Variants in CC2D2A observed in about 807,000 individuals in gnomAD.
CC2D2A encodes coiled-coil and C2 domain-containing protein 2A.
A neutral mutation model predicts 212.9 loss-of-function variants in CC2D2A; 155 were observed. The ratio of observed to expected loss-of-function variants is 0.73; its 90% CI spans 0.64 to 0.83. The LOEUF (loss-of-function observed/expected upper bound fraction) is 0.83, where lower values mean the gene tolerates loss of function less well. CC2D2A is among the 40% of genes least tolerant of loss of function. The probability of loss-of-function intolerance (pLI) is 0.00; values close to 1 mark genes in which losing one functional copy is unlikely to be tolerated. For synonymous variants in CC2D2A, 667 were observed against 686.5 expected (o/e 0.97, Z 0.44); for missense variants, 1,856 against 1,956.2 (o/e 0.95, Z 0.97).
intron 11 of CC2D2A, among the ~76,000 whole-genome samples, 185 bp downstream of exon 11, chr4:15,516,941 C>G (rs1716908650): frequency 7.2e-6 from 1 of 138,010 alleles, no homozygotes; most frequent in South Asian, 2.3e-4. Flanking sequence ...CAATGCATCC[C>G]TTCTTTTTTT....
At chr4:15,580,710 T>G (rs1720626798) in intron 30 of CC2D2A, among the ~76,000 whole-genome samples, 2 of 151,382 alleles carry the variant, frequency 1.3e-5, no homozygotes, top group South Asian at 4.2e-4. Flanking sequence ...AATTAACATA[T>G]GGAAAATGCT....
At chr4:15,584,750 T>C (rs2109087379) in intron 30 of CC2D2A, among the ~76,000 whole-genome samples, 1 of 152,186 alleles carries the variant, frequency 6.6e-6, no homozygotes, top group South Asian at 2.1e-4. Context: ...AAGCTGTGTC[T>C]AACAAGGGGT....
chr4:15,533,548 G>C (rs1004686136), intron 14 of CC2D2A: 2 of 379,134 alleles, frequency 5.3e-6, no homozygotes, highest in African/African-American at 2.1e-5. Context: ...TGTGATCATT[G>C]TTTTCTTGCT....
chr4:15,494,077 C>G (rs964669231), intron 4 of CC2D2A, among the ~76,000 whole-genome samples: 1 of 152,178 alleles, frequency 6.6e-6, no homozygotes, highest in Non-Finnish European at 1.5e-5. Context: ...ATGGGGAAGA[C>G]TCAATCCTAA....
At chr4:15,561,062 G>A (rs1719572259) in intron 23 of CC2D2A, among the ~76,000 whole-genome samples, 1 of 152,220 alleles carries the variant, frequency 6.6e-6, no homozygotes, top group Non-Finnish European at 1.5e-5. Context: ...AAACCTGGTT[G>A]CAGCACCACA....
intron 7 of CC2D2A, 57 bp from the exon 8 acceptor site, chr4:15,511,190 C>T (rs1395129853): frequency 2.9e-5 from 43 of 1,502,820 alleles, no homozygotes; most frequent in Non-Finnish European, 3.7e-5. Context: ...GTTAATTGTG[C>T]AGAGCGCATT....
At chr4:15,517,822 G>C (rs527678666) in intron 11 of CC2D2A, among the ~76,000 whole-genome samples, 74 of 152,302 alleles carry the variant, frequency 4.9e-4, no homozygotes, top group African/African-American at 1.8e-3. Context: ...TGGCTGGGAA[G>C]ACCTCACAAT....
intron 35 of CC2D2A, among the ~76,000 whole-genome samples, chr4:15,598,391 C>T (rs757155270): frequency 2.0e-5 from 3 of 152,208 alleles, no homozygotes; most frequent in Non-Finnish European, 4.4e-5. Flanking sequence ...TTAGAATCAG[C>T]AGGGTTTCAA....
intron 11 of CC2D2A, among the ~76,000 whole-genome samples, chr4:15,522,410 AT>A (rs1310519456): frequency 4.6e-5 from 7 of 152,098 alleles, no homozygotes; most frequent in Non-Finnish European, 1.0e-4. Context: ...TAGAAATACT[AT>A]GCTATTGACT....
intron 13 of CC2D2A, among the ~76,000 whole-genome samples, chr4:15,532,046 G>T (rs1717875683): frequency 6.6e-6 from 1 of 152,126 alleles, no homozygotes; most frequent in Non-Finnish European, 1.5e-5. Flanking sequence ...CCATTTTACA[G>T]ATGTGAGCCA....
At chr4:15,479,123 C>T (rs979271082) in intron 3 of CC2D2A, 11 of 846,916 alleles carry the variant, frequency 1.3e-5, no homozygotes, top group Non-Finnish European at 2.1e-5. Context: ...TCATTGAAGG[C>T]CATGGACTAT....
At chr4:15,519,266 T>C (rs1717064052) in intron 11 of CC2D2A, 1 of 376,832 alleles carries the variant, frequency 2.7e-6, no homozygotes, top group African/African-American at 2.2e-5. Context: ...TGCTAAAATA[T>C]AACAAGTCAC....
chr4:15,563,072 A>T (rs1294759767), intron 23 of CC2D2A, among the ~76,000 whole-genome samples: 5 of 152,228 alleles, frequency 3.3e-5, no homozygotes. Flanking sequence ...GGCATGTTTG[A>T]GGAACTGGTG....
intron 1 of CC2D2A, among the ~76,000 whole-genome samples, chr4:15,470,457 A>G (rs186050176): frequency 1.2e-3 from 184 of 152,206 alleles, no homozygotes; most frequent in African/African-American, 4.0e-3. Flanking sequence ...AGGGCTACTA[A>G]CCACAGTGCT....
chr4:15,597,678 C>T (rs937983711), intron 35 of CC2D2A, among the ~76,000 whole-genome samples: 1 of 152,190 alleles, frequency 6.6e-6, no homozygotes, highest in African/African-American at 2.4e-5. Context: ...CAGAGTGGAA[C>T]ACCAGTAATA....
chr4:15,552,698 G>A (rs1719068726), intron 18 of CC2D2A, among the ~76,000 whole-genome samples: 1 of 152,174 alleles, frequency 6.6e-6, no homozygotes, highest in African/African-American at 2.4e-5. Flanking sequence ...TTTTAGAACA[G>A]GGATTCTTAA....
intron 13 of CC2D2A, 28 bp downstream of exon 13, chr4:15,528,754 C>CT: frequency 6.6e-7 from 1 of 1,510,424 alleles, no homozygotes; most frequent in Non-Finnish European, 9.1e-7. Context: ...AGTGTAACTA[C>CT]TTTTTTTCCC....
In CC2D2A at chr4:15,574,145, C is replaced by G. The variant is rs1720292051; in HGVS notation, c.3595-5C>G. ...GATGTTTACCAAGTCATATTTTCTT[C>G]ACAGATTGATGGAACATTTAAAATA... On this transcript the variant is annotated splice_polypyrimidine_tract_variant and splice_region_variant and intron_variant, in intron 28 of 36. Coordinates refer to ENST00000424120, the MANE Select transcript of CC2D2A (RefSeq NM_001378615.1). 6 of 1,534,116 alleles carry G rather than the reference C, an allele frequency of 3.9e-6. No homozygotes were observed. In the African/African-American group the frequency reaches 6.9e-5, roughly 18 times the overall value.
At chr4:15,574,394 A>G in intron 29 of CC2D2A, 68 bp downstream of exon 29, 1 of 1,200,828 alleles carries the variant, frequency 8.3e-7, no homozygotes, top group Non-Finnish European at 1.1e-6. Flanking sequence ...GCTAGGCTAT[A>G]CTTTTATGAA....
Sources: allele counts gnomAD v4.1 joint callset (sites outside exome capture counted in the v4.1 genomes callset), GRCh38; gene constraint gnomAD v4.1.1; transcripts MANE v1.5; gene names NCBI Gene and HGNC (gene_info 2026-07-23, HGNC 2026-07-21).